Variants in MOXD1 observed in about 807,000 individuals in gnomAD.
MOXD1 encodes monooxygenase DBH like 1.
MOXD1 carries 62 observed loss-of-function variants against 66.6 expected under a neutral mutation model. The ratio of observed to expected loss-of-function variants is 0.93; its 90% CI spans 0.76 to 1.15. The LOEUF (loss-of-function observed/expected upper bound fraction) is 1.15, where lower values mean the gene tolerates loss of function less well. Among genes scored for constraint, MOXD1 ranks in the 50% most tolerant of loss-of-function variants. MOXD1 has a pLI of 0.00. For missense variants in MOXD1, 847 were observed against 754.6 expected (o/e 1.12, Z -1.44); for synonymous variants, 303 against 281.9 (o/e 1.07, Z -0.75).
intron 6 of MOXD1, among the ~76,000 whole-genome samples, chr6:132,324,661 C>A (rs914175584): frequency 1.3e-5 from 2 of 152,126 alleles, no homozygotes; most frequent in Admixed American, 6.5e-5. Context: ...ATGTAAATGG[C>A]ACTCCATTAG....
chr6:132,303,827 GTGTGTGTGTATATATA>G (rs1562276337), intron 10 of MOXD1, among the ~76,000 whole-genome samples: 161 of 99,152 alleles, frequency 1.6e-3, no homozygotes, highest in Admixed American at 2.5e-3. Context: ...GTGTGTGTGT[GTGTGTGTGTATATATA>G]TATATATATA....
chr6:132,325,434 G>A lies in MOXD1; in HGVS notation c.947-1337C>T, dbSNP rs574004370. On this transcript the variant is annotated intron_variant, in intron 6 of 11. Transcript: ENST00000367963. Reference sequence around the variant, plus strand: ...CTTTAAGAGGTGTCTAGGTCATGAGGGCTTGGCCCCTGTGAATCGATTAAT... The same window carrying A: ...CTTTAAGAGGTGTCTAGGTCATGAGAGCTTGGCCCCTGTGAATCGATTAAT... 3.3e-5 allele frequency among the ~76,000 whole-genome samples: 5 copies of A among 152,298 alleles called. No homozygotes were observed. The South Asian group carries it at 6.2e-4, about 19-fold the overall frequency.
At chr6:132,344,035 C>T (rs1775618790) in intron 4 of MOXD1, among the ~76,000 whole-genome samples, 1 of 151,964 alleles carries the variant, frequency 6.6e-6, no homozygotes, top group African/African-American at 2.4e-5. Context: ...CAGAAATAGA[C>T]ATAAAGGTAT....
chr6:132,320,416 C>T (rs916208363), intron 9 of MOXD1, among the ~76,000 whole-genome samples: 2 of 152,070 alleles, frequency 1.3e-5, no homozygotes, highest in African/African-American at 4.8e-5. Context: ...TAATTACACT[C>T]CAAGTATTAT....
intron 1 of MOXD1, among the ~76,000 whole-genome samples, chr6:132,376,556 C>T (rs1172492628): frequency 3.5e-5 from 2 of 57,204 alleles, no homozygotes. Context: ...CTCTGTCGCC[C>T]AGGCTGGAGT....
chr6:132,329,859 A>G (rs1031147176), intron 4 of MOXD1, among the ~76,000 whole-genome samples: 3 of 152,156 alleles, frequency 2.0e-5, no homozygotes, highest in African/African-American at 7.2e-5. Flanking sequence ...TTGGAAGAGA[A>G]AAAAAACATT....
chr6:132,317,638 A>T (rs1774987920), intron 9 of MOXD1, among the ~76,000 whole-genome samples: 1 of 152,144 alleles, frequency 6.6e-6, no homozygotes, highest in African/African-American at 2.4e-5. Context: ...TGAAGAGGGT[A>T]TCAAGACAGT....
intron 8 of MOXD1, among the ~76,000 whole-genome samples, chr6:132,321,301 G>A (rs566660568): frequency 5.0e-4 from 76 of 151,634 alleles, no homozygotes; most frequent in Admixed American, 4.5e-3. Flanking sequence ...CAGCTGTTAC[G>A]AGGAGATTAA....
chr6:132,310,767 A>T (rs1272527400), intron 10 of MOXD1, among the ~76,000 whole-genome samples: 1 of 152,076 alleles, frequency 6.6e-6, no homozygotes, highest in Non-Finnish European at 1.5e-5. Context: ...AACACCACAT[A>T]CTGTCACTCG....
rs1244396374 is a variant in MOXD1 at position 132,354,138 on chromosome 6, G to A, written c.663+18470C>T. On this transcript the variant is annotated intron_variant, in intron 4 of 11. Coordinates refer to ENST00000367963, the MANE Select transcript of MOXD1 (RefSeq NM_015529.4). ...TGATTAGCTTAATAAGTAACCTCCT[G>A]AATTCTTCTTCAGGTTAATCAGGGA... 2.0e-5 allele frequency among the ~76,000 whole-genome samples: 3 copies of A among 152,192 alleles called. No homozygotes were observed. The East Asian group carries it at 5.8e-4, about 29-fold the overall frequency.
At chr6:132,328,903 GT>G (rs1342812585) in intron 4 of MOXD1, among the ~76,000 whole-genome samples, 1 of 151,972 alleles carries the variant, frequency 6.6e-6, no homozygotes, top group African/African-American at 2.4e-5. Flanking sequence ...CAGAGCAATT[GT>G]TTTGAAAATT....
intron 3 of MOXD1, 53 bp from the exon 4 acceptor site, chr6:132,372,744 T>TC: frequency 6.2e-7 from 1 of 1,607,080 alleles, no homozygotes; most frequent in Non-Finnish European, 8.5e-7. Flanking sequence ...CTTAACATGC[T>TC]CCTGAATACA....
rs1311443480 is a variant in MOXD1 at position 132,376,735 on chromosome 6, G to A, written c.265-1958C>T. ...TCACCGTTTTAGCCAGGATGGTCTCGATCTCCTGACCTCGTGATCCGCCCG... is the reference window on the plus strand; with the variant it reads ...TCACCGTTTTAGCCAGGATGGTCTCAATCTCCTGACCTCGTGATCCGCCCG... On this transcript the variant is annotated intron_variant, in intron 1 of 11. Coordinates refer to ENST00000367963, the MANE Select transcript of MOXD1 (RefSeq NM_015529.4). 2.4e-5 allele frequency among the ~76,000 whole-genome samples: 3 copies of A among 125,746 alleles called. 1 individual carries two copies. Among genetic ancestry groups the A allele is most frequent in the Non-Finnish European group, 4.6e-5 (3 of 65,354 alleles). The allele number at this position is 125,746 out of a possible 152,430, so 82.5% of individuals were successfully genotyped here. A position where few individuals can be genotyped will look rare whatever the true frequency, so the allele number is the denominator to read the frequency against.
intron 6 of MOXD1, among the ~76,000 whole-genome samples, chr6:132,325,543 T>A (rs753132900): frequency 3.3e-5 from 5 of 152,184 alleles, no homozygotes; most frequent in Non-Finnish European, 7.3e-5. Flanking sequence ...TTATGACCCG[T>A]AAGAAGGCCC....
Position 132,374,722 on chromosome 6 carries a change from T to A in MOXD1, c.320A>T (p.His107Leu). Residue 107 changes from histidine (H) to leucine (L), a missense_variant, in exon 2 of 12, where the codon CAT (histidine) becomes CTT (leucine). Physicochemically the swap from His to Leu is moderately conservative, Grantham distance 99. Transcript: ENST00000367963. ...ELKKDAQQDY[H>L]LEYAMENSTH... ...GCTATTTTCCATGGCATATTCTAGATGGTAATCTTGCTGAGCATCTTTTTT... is the reference window on the plus strand; with the variant it reads ...GCTATTTTCCATGGCATATTCTAGAAGGTAATCTTGCTGAGCATCTTTTTT... The A allele has an allele frequency of 6.2e-7, 1 of 1,613,974 alleles. No homozygotes were observed. Among genetic ancestry groups the A allele is most frequent in the Non-Finnish European group, 8.5e-7 (1 of 1,179,906 alleles).
intron 10 of MOXD1, among the ~76,000 whole-genome samples, chr6:132,312,807 TAA>T (rs568849645): frequency 6.9e-6 from 1 of 144,028 alleles, no homozygotes. Context: ...CATTTAAACT[TAA>T]AAAAAAAAAA....
intron 1 of MOXD1, among the ~76,000 whole-genome samples, chr6:132,383,070 G>A (rs1354723271): frequency 6.6e-6 from 1 of 152,110 alleles, no homozygotes; most frequent in Non-Finnish European, 1.5e-5. Context: ...TGAGAAAAAT[G>A]TTACCATCTG....
At chr6:132,302,181 A>G (rs1296408102) in intron 10 of MOXD1, among the ~76,000 whole-genome samples, 1 of 152,184 alleles carries the variant, frequency 6.6e-6, no homozygotes, top group Non-Finnish European at 1.5e-5. Flanking sequence ...CAGAGCCTGT[A>G]TAGAGCTAGC....
At chr6:132,359,592 T>G (rs567246082) in intron 4 of MOXD1, among the ~76,000 whole-genome samples, 2 of 149,786 alleles carry the variant, frequency 1.3e-5, no homozygotes, top group African/African-American at 4.9e-5. Context: ...GTTCACACCA[T>G]TCTCCTGCCT....
Sources: allele counts gnomAD v4.1 joint callset (sites outside exome capture counted in the v4.1 genomes callset), GRCh38; gene constraint gnomAD v4.1.1; transcripts MANE v1.5; gene names NCBI Gene and HGNC (gene_info 2026-07-23, HGNC 2026-07-21).